IKZF2: variants seen among roughly 807,000 people sequenced by gnomAD.
IKZF2 encodes zinc finger protein Helios.
IKZF2 carries 15 observed loss-of-function variants against 49.2 expected under a neutral mutation model. That is an observed-to-expected ratio of 0.30 (90% CI 0.20 to 0.47). The LOEUF is 0.47. IKZF2 is among the 20% of genes least tolerant of loss of function. The probability of loss-of-function intolerance (pLI) is 1.00; values close to 1 mark genes in which losing one functional copy is unlikely to be tolerated. For missense variants in IKZF2, 567 were observed against 664.6 expected, an observed-to-expected ratio of 0.85 and a Z score of 1.61; for synonymous variants, 227 against 221.4, an observed-to-expected ratio of 1.03 and a Z score of -0.23.
chr2:213,041,601 C>T (rs1439268482), intron 6 of IKZF2, among the ~76,000 whole-genome samples: 1 of 152,134 alleles, frequency 6.6e-6, no homozygotes, highest in Non-Finnish European at 1.5e-5. Flanking sequence ...CGTGCCCGGC[C>T]ACAACTTGAC....
At chr2:213,029,914 A>G (rs1050808259) in intron 6 of IKZF2, among the ~76,000 whole-genome samples, 1 of 152,142 alleles carries the variant, frequency 6.6e-6, no homozygotes, top group Non-Finnish European at 1.5e-5. Context: ...TGTAATTTGT[A>G]TTTCTTTTAC....
At chr2:213,068,981 G>A (rs1033465682) in intron 4 of IKZF2, among the ~76,000 whole-genome samples, 1 of 150,470 alleles carries the variant, frequency 6.6e-6, no homozygotes, top group Non-Finnish European at 1.5e-5. Context: ...AAAAAGAAGT[G>A]CTACAACCTT....
chr2:213,115,793 TCA>T (rs1409727485), intron 4 of IKZF2, among the ~76,000 whole-genome samples: 1 of 152,210 alleles, frequency 6.6e-6, no homozygotes, highest in East Asian at 1.9e-4. Flanking sequence ...ACACCAAATG[TCA>T]GTAAACCAAA....
chr2:213,119,601 G>T (rs2059985658), intron 4 of IKZF2, among the ~76,000 whole-genome samples: 1 of 152,152 alleles, frequency 6.6e-6, no homozygotes. Context: ...TAGTAATTTT[G>T]TGTATTAATA....
At chr2:213,015,369 G>A (rs1696452856) in intron 7 of IKZF2, 1 of 151,948 alleles carries the variant, frequency 6.6e-6, no homozygotes, top group Admixed American at 6.6e-5. Context: ...TGAGACTGAG[G>A]AACAAGGAAA....
chr2:213,117,846 T>C (rs2125813732), intron 4 of IKZF2, among the ~76,000 whole-genome samples: 1 of 152,378 alleles, frequency 6.6e-6, no homozygotes, highest in South Asian at 2.1e-4. Flanking sequence ...TTTATTGTTG[T>C]TTCTTTCAAT....
chr2:213,025,752 CTT>C (rs1197970843), intron 6 of IKZF2, among the ~76,000 whole-genome samples: 1 of 152,124 alleles, frequency 6.6e-6, no homozygotes, highest in Non-Finnish European at 1.5e-5. Context: ...AAAACTCCCT[CTT>C]TGTTCTGACT....
chr2:213,063,794 G>A (rs1701921338), intron 4 of IKZF2, among the ~76,000 whole-genome samples: 1 of 151,772 alleles, frequency 6.6e-6, no homozygotes, highest in Non-Finnish European at 1.5e-5. Context: ...ACATGATACT[G>A]GCTCTCCAAT....
At chr2:213,056,617 T>C in intron 5 of IKZF2, 1 of 679,508 alleles carries the variant, frequency 1.5e-6, no homozygotes. Context: ...GGAAACTGAA[T>C]CCCAAACTTC....
At chr2:213,146,263 C>T (rs562344467) in intron 4 of IKZF2, among the ~76,000 whole-genome samples, 2 of 152,010 alleles carry the variant, frequency 1.3e-5, no homozygotes, top group South Asian at 4.1e-4. Flanking sequence ...AATTCTATTG[C>T]CTAAATTGTA....
At chr2:213,032,343 TTA>T (rs1228164754) in intron 6 of IKZF2, among the ~76,000 whole-genome samples, 2 of 152,156 alleles carry the variant, frequency 1.3e-5, no homozygotes, top group East Asian at 3.8e-4. Flanking sequence ...CAGATAGAAG[TTA>T]TGTTTATATC....
At chr2:213,015,899 C>T (rs1329475307) in intron 7 of IKZF2, among the ~76,000 whole-genome samples, 3 of 151,984 alleles carry the variant, frequency 2.0e-5, no homozygotes, top group Non-Finnish European at 4.4e-5. Flanking sequence ...GGCAGTTTTG[C>T]TCTAAGTTTC....
At chr2:213,098,605 T>C (rs1465091036) in intron 4 of IKZF2, among the ~76,000 whole-genome samples, 1 of 152,132 alleles carries the variant, frequency 6.6e-6, no homozygotes, top group African/African-American at 2.4e-5. Context: ...CTTTTTGCCA[T>C]ATATAAAGAG....
chr2:213,037,253 G>T (rs1193504373), intron 6 of IKZF2, among the ~76,000 whole-genome samples: 1 of 152,172 alleles, frequency 6.6e-6, no homozygotes, highest in Non-Finnish European at 1.5e-5. Flanking sequence ...AGGAAGGAAA[G>T]CTTCCTACAA....
At chr2:213,022,261 A>C (rs1471163677) in intron 6 of IKZF2, 131 bp from the exon 7 acceptor site, 15 of 820,894 alleles carry the variant, frequency 1.8e-5, no homozygotes. Context: ...CCTCCTTTAC[A>C]TTCCAATTTT....
upstream of IKZF2, chr2:213,151,658 G>A (rs1027316562): frequency 2.0e-5 from 3 of 151,130 alleles, no homozygotes; most frequent in African/African-American, 4.9e-5. Flanking sequence ...GGTGGAGCCC[G>A]AGCACATCTC....
intron 4 of IKZF2, among the ~76,000 whole-genome samples, chr2:213,074,254 G>A (rs191632276): frequency 1.9e-4 from 29 of 152,258 alleles, no homozygotes; most frequent in African/African-American, 6.7e-4. Flanking sequence ...TCTGAGAAAT[G>A]TGTCCTTAGC....
chr2:213,031,069 G>T (rs886345893), intron 6 of IKZF2, among the ~76,000 whole-genome samples: 1 of 152,010 alleles, frequency 6.6e-6, no homozygotes, highest in Admixed American at 6.5e-5. Flanking sequence ...CAAGTGATCC[G>T]CCCGCCTCAG....
chr2:213,124,236 GCGCTCGCGCGCGCGCGCACACACA>G (rs2060155402), intron 4 of IKZF2, among the ~76,000 whole-genome samples: 1 of 84,660 alleles, frequency 1.2e-5, no homozygotes, highest in African/African-American at 6.1e-5. Flanking sequence ...ACGCACACAT[GCGCTCGCGCGCGCGCGCACACACA>G]CACACACACA....
Sources: allele counts gnomAD v4.1 joint callset (sites outside exome capture counted in the v4.1 genomes callset), GRCh38; gene constraint gnomAD v4.1.1; transcripts MANE v1.5; gene names NCBI Gene and HGNC (gene_info 2026-07-23, HGNC 2026-07-21).